The following SLC36A1 variants were observed in gnomAD, a reference collection of about 807,000 sequenced individuals.
SLC36A1 encodes solute carrier family 36 member 1, also known as proton-coupled amino acid transporter 1.
A neutral mutation model predicts 47.5 loss-of-function variants in SLC36A1; 30 were observed. The ratio of observed to expected loss-of-function variants is 0.63; its 90% CI spans 0.47 to 0.86. The LOEUF (loss-of-function observed/expected upper bound fraction) is 0.86. Ranked by LOEUF, SLC36A1 falls within the 40% of genes least tolerant of loss-of-function variation. SLC36A1 has a pLI of 0.00. For synonymous variants in SLC36A1, 255 were observed against 249.7 expected (o/e 1.02, Z -0.20); for missense variants, 517 against 606.0 (o/e 0.85, Z 1.54).
At chr5:151,486,405 A>C (rs1253286700) in intron 10 of SLC36A1, among the ~76,000 whole-genome samples, 2 of 152,166 alleles carry the variant, frequency 1.3e-5, no homozygotes, top group African/African-American at 4.8e-5. Flanking sequence ...TTGTTTCCAC[A>C]TGTCTCTCAT....
At chr5:151,349,422 A>T in the SLC36A1 span, among the ~76,000 whole-genome samples, 1 of 152,060 alleles carries the variant, frequency 6.6e-6, no homozygotes. Flanking sequence ...AGCCCTTCCA[A>T]CACGAGTGGC....
chr5:151,457,997 C>T (rs796622682), intron 1 of SLC36A1, among the ~76,000 whole-genome samples: 1 of 151,808 alleles, frequency 6.6e-6, no homozygotes. Context: ...TACAGGCATG[C>T]ACCACCACGC....
At chr5:151,541,695 T>C in the SLC36A1 span, among the ~76,000 whole-genome samples, 5 of 152,248 alleles carry the variant, frequency 3.3e-5, no homozygotes, top group Admixed American at 3.3e-4. Flanking sequence ...TATCCACTAA[T>C]GAAAGCAGCT....
chr5:151,512,812 G>A, the SLC36A1 span: 5 of 587,858 alleles, frequency 8.5e-6, 1 homozygote, highest in East Asian at 1.4e-4. This position sits in a 1 kb window ranked among gnomAD's most constrained non-coding sequence, Gnocchi z 4.1. Flanking sequence ...ACACCCCATG[G>A]GATGGTCTGG....
chr5:151,361,044 A>T, the SLC36A1 span, among the ~76,000 whole-genome samples: 1 of 152,206 alleles, frequency 6.6e-6, no homozygotes, highest in Admixed American at 6.5e-5. Flanking sequence ...AAGTAATGTT[A>T]TGTACAACAT....
At chr5:151,351,321 G>C in the SLC36A1 span, among the ~76,000 whole-genome samples, 1 of 151,808 alleles carries the variant, frequency 6.6e-6, no homozygotes, top group Non-Finnish European at 1.5e-5. Flanking sequence ...AAGCTCTGTT[G>C]CAGTGAGACG....
upstream of SLC36A1, among the ~76,000 whole-genome samples, chr5:151,434,347 T>G (rs1759644180): frequency 6.6e-6 from 1 of 152,190 alleles, no homozygotes; most frequent in African/African-American, 2.4e-5. Context: ...GTTAATTAAA[T>G]AAAACTTCTA....
rs181351295 is a variant in SLC36A1 at position 151,457,070 on chromosome 5, T to C, written c.-5-1718T>C. 4.6e-3 allele frequency among the ~76,000 whole-genome samples: 699 copies of C among 152,296 alleles called. 2 individuals carry two copies. The highest frequency in any genetic ancestry group is 0.015 in the African/African-American group (628 of 41,566). ...AGTCTGCCAAGTGTCGGGAGGATTT[T>C]TGTCATTTTTTATATTAATGTACCC... On this transcript the variant is annotated intron_variant, in intron 1 of 10. Transcript: ENST00000243389.
chr5:151,493,783 C>T (rs545085820), downstream of SLC36A1, among the ~76,000 whole-genome samples: 1 of 152,322 alleles, frequency 6.6e-6, no homozygotes, highest in African/African-American at 2.4e-5. Context: ...GGCTGCCTGT[C>T]TGTTGCAGCC....
At chr5:151,421,971 A>G in the SLC36A1 span, among the ~76,000 whole-genome samples, 2 of 152,214 alleles carry the variant, frequency 1.3e-5, no homozygotes, top group African/African-American at 4.8e-5. Context: ...CACTTTTGTG[A>G]TGGAAACTGC....
Position 151,464,556 on chromosome 5 carries a change from C to A in SLC36A1, c.277C>A (p.His93Asn). Residue 93 changes from histidine (H) to asparagine (N), a missense_variant, in exon 4 of 11, where the codon CAC becomes AAC. Coordinates refer to ENST00000243389, the MANE Select transcript of SLC36A1 (RefSeq NM_078483.4). ...GCTGATCATAGGCATCGTGGCCGTGCACTGCATGGGTATCCTGGTGAAATG... is the reference window on the plus strand; with the variant it reads ...GCTGATCATAGGCATCGTGGCCGTGAACTGCATGGGTATCCTGGTGAAATG... ...SLLIIGIVAV[H>N]CMGILVKCAH... 6.2e-7 allele frequency: 1 copy of A among 1,614,138 alleles called. No individual in the cohort carries two copies. The highest frequency in any genetic ancestry group is 8.5e-7 in the Non-Finnish European group (1 of 1,180,046).
At chr5:151,510,215 A>T in the SLC36A1 span, 1 of 1,607,726 alleles carries the variant, frequency 6.2e-7, no homozygotes, top group Non-Finnish European at 8.5e-7. Context: ...GCACTGGCCT[A>T]GCAGTTAAAG....
chr5:151,452,969 A>C (rs1753881470), intron 1 of SLC36A1, among the ~76,000 whole-genome samples: 1 of 152,114 alleles, frequency 6.6e-6, no homozygotes, highest in African/African-American at 2.4e-5. Context: ...TGGGAGGCCA[A>C]GGTGGGTGGA....
At chr5:151,501,876 C>T in the SLC36A1 span, among the ~76,000 whole-genome samples, 1 of 148,026 alleles carries the variant, frequency 6.8e-6, no homozygotes, top group Non-Finnish European at 1.5e-5. Flanking sequence ...GGACCATAGA[C>T]CTAAATGTAA....
the SLC36A1 span, among the ~76,000 whole-genome samples, chr5:151,410,890 C>T: frequency 6.9e-6 from 1 of 144,746 alleles, no homozygotes; most frequent in Admixed American, 6.8e-5. Context: ...TATTTTACAG[C>T]ATCTCTTGCT....
chr5:151,425,714 C>T, the SLC36A1 span, among the ~76,000 whole-genome samples: 4 of 152,180 alleles, frequency 2.6e-5, no homozygotes, highest in Non-Finnish European at 2.9e-5. Flanking sequence ...ACGAAATTCA[C>T]AGCCTGACTT....
chr5:151,495,722 C>G (rs1760320206), downstream of SLC36A1, among the ~76,000 whole-genome samples: 1 of 152,042 alleles, frequency 6.6e-6, no homozygotes, highest in Admixed American at 6.5e-5. Flanking sequence ...CTGTTCATCT[C>G]TATAATTTTA....
At chr5:151,388,763 A>T in the SLC36A1 span, among the ~76,000 whole-genome samples, 75,129 of 151,708 alleles carry the variant, frequency 0.5, 20,615 homozygotes, top group African/African-American at 0.75. Context: ...GAAAAACTAA[A>T]AAATTGAAAT....
the SLC36A1 span, chr5:151,537,676 T>C: frequency 1.0e-6 from 1 of 998,152 alleles, no homozygotes; most frequent in Non-Finnish European, 1.5e-6. Flanking sequence ...GGCCAATATA[T>C]GTTTGCTGAT....
Sources: gnomAD v4.1 joint callset for allele counts (sites outside exome capture counted in the v4.1 genomes callset) on GRCh38, gnomAD v4.1.1 for gene constraint, Gnocchi (gnomAD v3.1) non-coding constraint, MANE v1.5 for transcripts, NCBI Gene and HGNC (gene_info 2026-07-23, HGNC 2026-07-21) for gene names.